Variants in SLC8A1 observed in about 807,000 individuals in gnomAD.
The protein encoded by SLC8A1 is solute carrier family 8 member A1.
A neutral mutation model predicts 68.3 loss-of-function variants in SLC8A1; 18 were observed. The ratio of observed to expected loss-of-function variants is 0.26; its 90% CI spans 0.18 to 0.39. The LOEUF is 0.39. Ranked by LOEUF, SLC8A1 falls within the 10% of genes least tolerant of loss-of-function variation. The pLI is 1.00. For missense variants in SLC8A1, 985 were observed against 1,156.7 expected (o/e 0.85, Z 2.15); for synonymous variants, 475 against 415.5 (o/e 1.14, Z -1.74).
chr2:40,285,869 T>C (rs999321335), intron 2 of SLC8A1, among the ~76,000 whole-genome samples: 7 of 152,188 alleles, frequency 4.6e-5, no homozygotes, highest in African/African-American at 1.7e-4. Flanking sequence ...TGCCATTTCT[T>C]TCTTTCATGT....
chr2:40,502,061 A>T (rs559011800), intron 1 of SLC8A1, among the ~76,000 whole-genome samples: 6 of 152,162 alleles, frequency 3.9e-5, no homozygotes, highest in Non-Finnish European at 8.8e-5. Context: ...CAATCCTCCA[A>T]CAGGATTCTG....
intron 7 of SLC8A1, among the ~76,000 whole-genome samples, chr2:40,134,485 C>G (rs922084114): frequency 1.3e-5 from 2 of 152,080 alleles, no homozygotes; most frequent in Non-Finnish European, 2.9e-5. Flanking sequence ...AAAAAAATAC[C>G]TTGCTCCTCA....
At chr2:40,361,360 T>C (rs1430917367) in intron 2 of SLC8A1, among the ~76,000 whole-genome samples, 2 of 152,186 alleles carry the variant, frequency 1.3e-5, no homozygotes, top group Non-Finnish European at 2.9e-5. Flanking sequence ...CTTATTGCTA[T>C]GATTTGGAAG....
intron 2 of SLC8A1, among the ~76,000 whole-genome samples, chr2:40,200,308 G>A (rs1271724615): frequency 8.3e-6 from 1 of 119,938 alleles, no homozygotes; most frequent in African/African-American, 3.3e-5. Context: ...AGAAATTACA[G>A]GTACTTGTTC....
At chr2:40,156,801 T>G (rs1391173613) in intron 6 of SLC8A1, among the ~76,000 whole-genome samples, 2 of 152,240 alleles carry the variant, frequency 1.3e-5, no homozygotes, top group African/African-American at 4.8e-5. Context: ...TGTATGCCTC[T>G]GTGTACGTGC....
intron 2 of SLC8A1, among the ~76,000 whole-genome samples, chr2:40,404,650 T>G (rs1051718624): frequency 2.0e-5 from 3 of 152,190 alleles, no homozygotes; most frequent in African/African-American, 7.2e-5. Flanking sequence ...TTGGTCTGAC[T>G]TAGGGTGCCA....
chr2:40,423,292 A>G (rs1198566548), intron 2 of SLC8A1, among the ~76,000 whole-genome samples: 1 of 152,080 alleles, frequency 6.6e-6, no homozygotes. Flanking sequence ...AGCAAATGAA[A>G]ATATTTTATC....
At chr2:40,421,951 T>C (rs1695623296) in intron 2 of SLC8A1, among the ~76,000 whole-genome samples, 1 of 152,128 alleles carries the variant, frequency 6.6e-6, no homozygotes, top group Admixed American at 6.6e-5. Context: ...CCCATATTGT[T>C]AATTGCTGCT....
intron 6 of SLC8A1, among the ~76,000 whole-genome samples, chr2:40,153,764 A>G (rs1183220260): frequency 6.6e-6 from 1 of 152,162 alleles, no homozygotes; most frequent in East Asian, 1.9e-4. Context: ...TTCCTACACC[A>G]CAAAAACATT....
chr2:40,389,712 C>G (rs934142760), intron 2 of SLC8A1, among the ~76,000 whole-genome samples: 4 of 151,756 alleles, frequency 2.6e-5, no homozygotes, highest in African/African-American at 9.7e-5. Flanking sequence ...TTGTGGGTCT[C>G]ATACCTAGGT....
chr2:40,194,498 TGTGTGTGTGCGCGC>T (rs1242857336), intron 2 of SLC8A1, among the ~76,000 whole-genome samples: 7 of 146,432 alleles, frequency 4.8e-5, no homozygotes, highest in African/African-American at 1.3e-4. Flanking sequence ...TGTGTGTGTG[TGTGTGTGTGCGCGC>T]GCAAAGAAAA....
chr2:40,378,971 T>C (rs72941907), intron 2 of SLC8A1, among the ~76,000 whole-genome samples: 26,072 of 152,042 alleles, frequency 0.17, 5,091 homozygotes, highest in African/African-American at 0.49. Context: ...CAATGCACTA[T>C]TTATTTGTTC....
At chr2:40,186,922 T>C (rs543127088) in intron 2 of SLC8A1, among the ~76,000 whole-genome samples, 1 of 152,228 alleles carries the variant, frequency 6.6e-6, no homozygotes, top group Non-Finnish European at 1.5e-5. Flanking sequence ...TTAAATAATA[T>C]ATTGCATGCA....
rs1403391917 is a variant in SLC8A1, at chr2:40,314,412, A to G, written c.1808+114061T>C. Among the ~76,000 whole-genome samples the G allele has an allele frequency of 2.0e-5, 3 of 152,194 alleles. No individual in the cohort carries two copies. The East Asian group carries it at 5.8e-4, about 29-fold the overall frequency. On this transcript the variant is annotated intron_variant, in intron 2 of 7. Transcript: ENST00000406785. ...CTAGCTTGGTACCTGAAACAATAAA[A>G]TAAATCTTGAAATCAAGTAGTGTTA...
chr2:40,251,922 A>G (rs1369009543), intron 2 of SLC8A1: 1 of 151,618 alleles, frequency 6.6e-6, no homozygotes, highest in Admixed American at 6.6e-5. Flanking sequence ...AGATACAAGT[A>G]GTCTCAGTTC....
intron 2 of SLC8A1, among the ~76,000 whole-genome samples, chr2:40,253,098 T>A (rs868116344): frequency 1.2e-4 from 13 of 109,586 alleles, no homozygotes; most frequent in Non-Finnish European, 2.0e-4. Flanking sequence ...ATATAGTATA[T>A]ATACATATAT....
chr2:40,399,471 T>G (rs1341040041), intron 2 of SLC8A1, among the ~76,000 whole-genome samples: 1 of 152,148 alleles, frequency 6.6e-6, no homozygotes, highest in Non-Finnish European at 1.5e-5. Context: ...CTCAAAATCC[T>G]TGAAGGAGAA....
At chr2:40,227,709 A>T (rs1231369881) in intron 2 of SLC8A1, among the ~76,000 whole-genome samples, 4 of 152,104 alleles carry the variant, frequency 2.6e-5, no homozygotes, top group Non-Finnish European at 5.9e-5. Context: ...TTAAAAGTTT[A>T]ATAATAATAA....
chr2:40,286,563 G>T (rs2068347857), intron 2 of SLC8A1, among the ~76,000 whole-genome samples: 1 of 152,138 alleles, frequency 6.6e-6, no homozygotes, highest in South Asian at 2.1e-4. Flanking sequence ...CTTAACGACT[G>T]GTCTGTAAGA....
Sources: gnomAD v4.1 joint callset for allele counts (sites outside exome capture counted in the v4.1 genomes callset) on GRCh38, gnomAD v4.1.1 for gene constraint, MANE v1.5 for transcripts, NCBI Gene and HGNC (gene_info 2026-07-23, HGNC 2026-07-21) for gene names.